Variants in ACSM1 observed in about 807,000 individuals in gnomAD.
The protein encoded by ACSM1 is acyl-coenzyme A synthetase ACSM1, mitochondrial.
A neutral mutation model predicts 75.8 loss-of-function variants in ACSM1; 79 were observed. The observed-to-expected ratio is 1.04, with a 90% CI of 0.87 to 1.26. The LOEUF is 1.26. ACSM1 is among the 50% of genes most tolerant of loss of function. The pLI is 0.00. For synonymous variants in ACSM1, 279 were observed against 265.8 expected (o/e 1.05, Z -0.48); for missense variants, 676 against 720.1 (o/e 0.94, Z 0.70).
At chr16:20,649,071 CT>C (rs2018505277) in intron 7 of ACSM1, among the ~76,000 whole-genome samples, 1 of 152,174 alleles carries the variant, frequency 6.6e-6, no homozygotes, top group African/African-American at 2.4e-5. Flanking sequence ...CAATCTTTCT[CT>C]CCTGTTAATC....
At chr16:20,695,866 T>C (rs556483132) in intron 1 of ACSM1, among the ~76,000 whole-genome samples, 131 of 152,318 alleles carry the variant, frequency 8.6e-4, no homozygotes, top group African/African-American at 3.0e-3. Context: ...TATATCACTA[T>C]CTGTGTATAT....
At chr16:20,637,022 G>A (rs1301192879) in intron 9 of ACSM1, 182 bp from the exon 10 acceptor site, 1 of 705,338 alleles carries the variant, frequency 1.4e-6, no homozygotes, top group East Asian at 2.5e-5. Flanking sequence ...CAAGCCAAGG[G>A]TCTATGTTTC....
At chr16:20,693,929 T>G (rs540467830) in intron 1 of ACSM1, among the ~76,000 whole-genome samples, 1 of 152,328 alleles carries the variant, frequency 6.6e-6, no homozygotes, top group Admixed American at 6.5e-5. Flanking sequence ...AAAGCAAAAT[T>G]TATTCAAAGT....
intron 4 of ACSM1, 134 bp from the exon 5 acceptor site, chr16:20,671,805 G>A: frequency 1.0e-6 from 1 of 982,140 alleles, no homozygotes; most frequent in Non-Finnish European, 1.4e-6. Context: ...GGCTCTCCCG[G>A]AGTTAGGCAT....
chr16:20,640,670 C>A, intron 7 of ACSM1, 86 bp from the exon 8 acceptor site: 1 of 1,586,506 alleles, frequency 6.3e-7, no homozygotes. Flanking sequence ...CCAGATCATT[C>A]ATCCTTCTAG....
chr16:20,626,540 T>C (rs2016934336), intron 11 of ACSM1, among the ~76,000 whole-genome samples: 1 of 151,982 alleles, frequency 6.6e-6, no homozygotes, highest in Admixed American at 6.5e-5. Flanking sequence ...TTTGAATCTT[T>C]AGGCAAATTT....
Position 20,671,680 on chromosome 16 carries a change from G to C in ACSM1, c.612-9C>G. 2 of 1,543,892 alleles carry C rather than the reference G, an allele frequency of 1.3e-6. No individual in the cohort carries two copies. The highest frequency in any genetic ancestry group is 1.8e-6 in the Non-Finnish European group (2 of 1,142,838). On this transcript the variant is annotated splice_polypyrimidine_tract_variant and intron_variant, in intron 4 of 13. Transcript: ENST00000520010. ...GTTCTGGGGATGCTGATCTGCAAAG[G>C]GGTTCAAGACAAAAGGAAAAAAGTC... is the stretch of plus-strand genomic sequence containing the variant.
intron 1 of ACSM1, among the ~76,000 whole-genome samples, chr16:20,693,578 A>G (rs1422501137): frequency 6.6e-6 from 1 of 152,198 alleles, no homozygotes; most frequent in Non-Finnish European, 1.5e-5. Flanking sequence ...ATAATAGACA[A>G]TAGAACTAGT....
chr16:20,641,139 C>G (rs957629410), intron 7 of ACSM1, among the ~76,000 whole-genome samples: 3 of 151,958 alleles, frequency 2.0e-5, no homozygotes, highest in African/African-American at 4.8e-5. Context: ...TTACAGGGTA[C>G]AGCCCTGACA....
rs1301905570 is a variant in ACSM1, at chr16:20,657,224, T to A, written c.992+4570A>T. 3.3e-5 allele frequency among the ~76,000 whole-genome samples: 5 copies of A among 152,180 alleles called. No individual in the cohort carries two copies. The East Asian group carries it at 9.6e-4, about 29-fold the overall frequency. On this transcript the variant is annotated intron_variant, in intron 7 of 13. Transcript: ENST00000520010. ...CTTACAGTAACTCAACACATAAAAG[T>A]TAAAAAGAAGCCAGTCTTGTAACTT...
At chr16:20,689,487 A>G (rs2152332746) in intron 2 of ACSM1, among the ~76,000 whole-genome samples, 1 of 152,278 alleles carries the variant, frequency 6.6e-6, no homozygotes, top group East Asian at 1.9e-4. Context: ...TAAGTGGACT[A>G]AACTCCCCAG....
At position 20,691,270 on chromosome 16, in the gene ACSM1, T is replaced by C. The variant is rs1180160006; in HGVS notation, c.-51-31A>G. 1.2e-5 allele frequency: 15 copies of C among 1,220,424 alleles called. No homozygotes were observed. In the African/African-American group the frequency reaches 1.7e-4, roughly 14 times the overall value. The allele number at this position is 1,220,424 out of a possible 1,614,324, so 75.6% of individuals were successfully genotyped here. On this transcript the variant is annotated intron_variant, in intron 1 of 13. Transcript: ENST00000520010. ...GAAGAGATGGCTAATAGATTGGCTG[T>C]GTATCCAAAACTTTCTCCCTAAATT...
chr16:20,625,421 A>T lies in ACSM1; in HGVS notation c.1527+2T>A. On this transcript the variant is annotated splice_donor_variant, in intron 12 of 13. Coordinates refer to ENST00000520010, the MANE Select transcript of ACSM1 (RefSeq NM_001318890.3). LOFTEE classifies it high-confidence loss of function. The stretch of plus-strand genomic sequence containing the variant: ...ACATGATGATCTCTGTGTTCTCCTC[A>T]CCTCCCCTCGAATCGGGTCTGGGCT... 2 of 1,613,154 alleles carry T rather than the reference A, an allele frequency of 1.2e-6. No homozygotes were observed. Among genetic ancestry groups the T allele is most frequent in the South Asian group, 2.2e-5 (2 of 90,996 alleles).
At chr16:20,625,368 C>T (rs184167683) in intron 12 of ACSM1, 55 bp downstream of exon 12, 11 of 1,553,454 alleles carry the variant, frequency 7.1e-6, no homozygotes, top group Middle Eastern at 1.7e-4. Flanking sequence ...GTTTCCCCTG[C>T]ACCTGCTTTC....
At chr16:20,625,033 T>C (rs1440585227) in intron 12 of ACSM1, among the ~76,000 whole-genome samples, 1 of 152,170 alleles carries the variant, frequency 6.6e-6, no homozygotes, top group East Asian at 1.9e-4. Flanking sequence ...ATAACACTTT[T>C]CAATATACAA....
chr16:20,694,582 C>A (rs2152343988), intron 1 of ACSM1, among the ~76,000 whole-genome samples: 1 of 152,224 alleles, frequency 6.6e-6, no homozygotes, highest in South Asian at 2.1e-4. Context: ...TCAGGGTCTT[C>A]CTTAAAATAC....
chr16:20,664,522 C>T (rs1328297611), intron 6 of ACSM1, among the ~76,000 whole-genome samples: 1 of 152,064 alleles, frequency 6.6e-6, no homozygotes, highest in African/African-American at 2.4e-5. Flanking sequence ...TTCTTCTTGA[C>T]CTATAAAAAG....
At chr16:20,690,908 T>C (rs1365174589) in intron 2 of ACSM1, 89 bp downstream of exon 2, 2 of 1,288,644 alleles carry the variant, frequency 1.6e-6, no homozygotes, top group Non-Finnish European at 2.1e-6. Flanking sequence ...GAAGTAACTT[T>C]GGTTCCATAC....
At chr16:20,633,402 G>C (rs1019785397) in intron 10 of ACSM1, among the ~76,000 whole-genome samples, 1 of 152,046 alleles carries the variant, frequency 6.6e-6, no homozygotes, top group Non-Finnish European at 1.5e-5. Context: ...AGGAAATTAA[G>C]AAAGCAATTC....
Sources: allele counts gnomAD v4.1 joint callset (sites outside exome capture counted in the v4.1 genomes callset), GRCh38; gene constraint gnomAD v4.1.1; transcripts MANE v1.5; gene names NCBI Gene and HGNC (gene_info 2026-07-23, HGNC 2026-07-21).